CUX1: variants seen among roughly 807,000 people sequenced by gnomAD.
The protein encoded by CUX1 is protein CASP.
In CUX1, 31 loss-of-function variants were observed where a neutral mutation model predicts 158.8. The ratio of observed to expected loss-of-function variants is 0.20; its 90% confidence interval spans 0.15 to 0.26. The LOEUF (loss-of-function observed/expected upper bound fraction) is 0.26, where lower values mean the gene tolerates loss of function less well. Ranked by LOEUF, CUX1 falls within the 10% of genes least tolerant of loss-of-function variation. CUX1 has a pLI of 1.00. For synonymous variants in CUX1, 879 were observed against 862.1 expected, an observed-to-expected ratio of 1.02 and a Z score of -0.34; for missense variants, 1,589 against 2,014.6, an observed-to-expected ratio of 0.79 and a Z score of 4.04.
chr7:102,212,116 A>G (rs763154746), intron 20 of CUX1, among the ~76,000 whole-genome samples: 18 of 152,118 alleles, frequency 1.2e-4, no homozygotes, highest in Non-Finnish European at 1.3e-4. Flanking sequence ...GGCTGGCCAC[A>G]TGTTGCTGGA....
chr7:102,181,969 C>T (rs1793133557), intron 11 of CUX1, among the ~76,000 whole-genome samples: 1 of 152,218 alleles, frequency 6.6e-6, no homozygotes, highest in African/African-American at 2.4e-5. Context: ...GGGAACCCTG[C>T]CCCCGCAGTC....
At chr7:101,977,871 T>TG (rs34595131) in intron 2 of CUX1, among the ~76,000 whole-genome samples, 27 of 152,146 alleles carry the variant, frequency 1.8e-4, no homozygotes, top group African/African-American at 6.0e-4. Context: ...TGGTTATATA[T>TG]GGGGGGTCAG....
intron 2 of CUX1, among the ~76,000 whole-genome samples, chr7:101,926,536 T>G (rs1400098561): frequency 6.6e-6 from 1 of 152,174 alleles, no homozygotes; most frequent in Non-Finnish European, 1.5e-5. Context: ...AGCCCTGGTT[T>G]CATTTGCTCC....
At chr7:101,873,178 CTTTT>C (rs35246188) in intron 1 of CUX1, among the ~76,000 whole-genome samples, 1 of 119,706 alleles carries the variant, frequency 8.4e-6, no homozygotes, top group African/African-American at 3.2e-5. Flanking sequence ...GCCTCAGCTT[CTTTT>C]TTTTTTTTTT....
intron 2 of CUX1, among the ~76,000 whole-genome samples, chr7:101,940,612 A>G (rs1807591991): frequency 6.6e-6 from 1 of 152,010 alleles, no homozygotes; most frequent in African/African-American, 2.4e-5. Flanking sequence ...TCTAGTTCTT[A>G]TATTGTCATT....
chr7:102,011,402 CTG>C (rs1391264132), intron 2 of CUX1, among the ~76,000 whole-genome samples: 1 of 151,930 alleles, frequency 6.6e-6, no homozygotes, highest in Non-Finnish European at 1.5e-5. Flanking sequence ...TTCTCATACG[CTG>C]GTGATGGGAT....
At chr7:102,070,819 C>T (rs768854786) in intron 4 of CUX1, among the ~76,000 whole-genome samples, 12 of 152,164 alleles carry the variant, frequency 7.9e-5, no homozygotes, top group South Asian at 2.1e-4. Context: ...TGGAGTGTCC[C>T]GCTCCCCTGC....
intron 10 of CUX1, among the ~76,000 whole-genome samples, chr7:102,176,168 C>T (rs1258051195): frequency 1.3e-5 from 2 of 152,238 alleles, no homozygotes; most frequent in Non-Finnish European, 2.9e-5. Flanking sequence ...GCACACAAAA[C>T]TTTACAGACT....
chr7:102,108,736 T>TGTGTGTGTGTGTGTGTG (rs1830610289), intron 6 of CUX1, among the ~76,000 whole-genome samples: 36 of 145,062 alleles, frequency 2.5e-4, no homozygotes, highest in African/African-American at 8.6e-4. Context: ...TTCATTCATT[T>TGTGTGTGTGTGTGTGTG]TGTGTGTGTG....
intron 8 of CUX1, among the ~76,000 whole-genome samples, chr7:102,133,222 C>T (rs1563290045): frequency 1.3e-5 from 2 of 152,148 alleles, no homozygotes; most frequent in Non-Finnish European, 2.9e-5. Flanking sequence ...TTCCCAGCCT[C>T]ATCTTAGGCC....
intron 1 of CUX1, among the ~76,000 whole-genome samples, chr7:101,821,464 G>A (rs949071443): frequency 6.6e-6 from 1 of 150,444 alleles, no homozygotes; most frequent in African/African-American, 2.4e-5. Flanking sequence ...TCAGCCTCCC[G>A]AGTAGCTGGG....
chr7:102,056,995 G>A (rs1824232693), intron 3 of CUX1, among the ~76,000 whole-genome samples: 2 of 150,170 alleles, frequency 1.3e-5, no homozygotes, highest in East Asian at 3.9e-4. Flanking sequence ...TCTGCCTCCT[G>A]GGTTCAAGTG....
At chr7:102,072,405 T>A (rs1826227981) in intron 4 of CUX1, among the ~76,000 whole-genome samples, 1 of 152,206 alleles carries the variant, frequency 6.6e-6, no homozygotes, top group African/African-American at 2.4e-5. Context: ...TTGCGGAAAG[T>A]AACCAATCAG....
intron 16 of CUX1, 105 bp from the exon 17 acceptor site, chr7:102,199,966 C>T (rs1586177042): frequency 1.1e-6 from 1 of 894,276 alleles, no homozygotes; most frequent in East Asian, 2.8e-5. Flanking sequence ...CTCCTTGTGT[C>T]ACCAGCCCCC....
chr7:102,170,366 A>T, intron 9 of CUX1, 80 bp from the exon 10 acceptor site: 2 of 981,300 alleles, frequency 2.0e-6, no homozygotes, highest in South Asian at 3.2e-5. Context: ...GTCAGGCATG[A>T]ATTGATGAAT....
Position 102,003,295 on chromosome 7 carries a change from A to AACACACACACACACAC in CUX1, c.142-24778_142-24763dup, listed in dbSNP as rs56760446. ...CCACTAAGCCCAGCACCTGGTGCCG[A>AACACACACACACACAC]ACACACACACACACACACACACACA... On this transcript the variant is annotated intron_variant, in intron 2 of 23. Transcript: ENST00000292535. Among the ~76,000 whole-genome samples, 864 of 131,938 alleles carry AACACACACACACACAC rather than the reference A, an allele frequency of 6.5e-3. 7 individuals carry two copies. The highest frequency in any genetic ancestry group is 0.014 in the African/African-American group (474 of 34,284). The allele number at this position is 131,938 out of a possible 152,430, so 86.6% of individuals were successfully genotyped here.
intron 2 of CUX1, among the ~76,000 whole-genome samples, chr7:101,994,732 C>T (rs958579969): frequency 6.6e-6 from 1 of 152,036 alleles, no homozygotes; most frequent in Non-Finnish European, 1.5e-5. Flanking sequence ...CAAGAATGTT[C>T]CAGAAGGTCT....
chr7:102,160,308 A>G (rs1790295452), intron 9 of CUX1, among the ~76,000 whole-genome samples: 1 of 151,968 alleles, frequency 6.6e-6, no homozygotes, highest in African/African-American at 2.4e-5. Flanking sequence ...TTTAGATGGC[A>G]CTTTAGGGCA....
chr7:101,848,072 A>G (rs976696327), intron 1 of CUX1, among the ~76,000 whole-genome samples: 6 of 150,026 alleles, frequency 4.0e-5, no homozygotes, highest in East Asian at 1.9e-4. Flanking sequence ...AAAAAAAAAA[A>G]AAAGAAAAGA....
Sources: allele counts gnomAD v4.1 joint callset (sites outside exome capture counted in the v4.1 genomes callset), GRCh38; gene constraint gnomAD v4.1.1; transcripts MANE v1.5; gene names NCBI Gene and HGNC (gene_info 2026-07-23, HGNC 2026-07-21).